SHTN1: variants seen among roughly 807,000 people sequenced by gnomAD.
SHTN1 encodes the protein shootin 1.
SHTN1 carries 42 observed loss-of-function variants against 83.1 expected under a neutral mutation model. That is an observed-to-expected ratio of 0.51 (90% CI 0.39 to 0.65). The LOEUF (loss-of-function observed/expected upper bound fraction) is 0.65, where lower values mean the gene tolerates loss of function less well. Among genes scored for constraint, SHTN1 ranks in the 30% least tolerant of loss-of-function variants. The probability of loss-of-function intolerance (pLI) is 0.00; values close to 1 mark genes in which losing one functional copy is unlikely to be tolerated. For missense variants in SHTN1, 622 were observed against 737.8 expected (o/e 0.84, Z 1.82); for synonymous variants, 224 against 247.7 (o/e 0.90, Z 0.90).
intron 1 of SHTN1, among the ~76,000 whole-genome samples, chr10:117,121,332 A>G (rs1367930079): frequency 6.6e-6 from 1 of 151,772 alleles, no homozygotes; most frequent in Non-Finnish European, 1.5e-5. Context: ...AATCCCAGCA[A>G]TTTGGGAGGC....
At chr10:117,120,960 C>T (rs1853915253) in intron 1 of SHTN1, among the ~76,000 whole-genome samples, 2 of 151,950 alleles carry the variant, frequency 1.3e-5, no homozygotes, top group South Asian at 4.2e-4. Context: ...CAGAAGTGTG[C>T]CAACATGCCT....
intron 2 of SHTN1, chr10:117,048,441 C>G (rs1390616380): frequency 1.0e-6 from 1 of 983,184 alleles, no homozygotes; most frequent in Non-Finnish European, 1.2e-6. Flanking sequence ...GTCTTGTTAC[C>G]TACCCCCTTC....
intron 11 of SHTN1, among the ~76,000 whole-genome samples, chr10:116,927,384 G>A (rs1178685525): frequency 6.6e-6 from 1 of 152,162 alleles, no homozygotes; most frequent in Non-Finnish European, 1.5e-5. Context: ...AAAGGAAAGA[G>A]GTTTAATTGA....
intron 3 of SHTN1, among the ~76,000 whole-genome samples, chr10:116,965,117 AC>A (rs1850341158): frequency 6.6e-6 from 1 of 152,248 alleles, no homozygotes; most frequent in African/African-American, 2.4e-5. Context: ...ATCAAAAATG[AC>A]ATGGACATAT....
At chr10:116,909,388 T>C (rs1173320345) in intron 14 of SHTN1, among the ~76,000 whole-genome samples, 1 of 152,208 alleles carries the variant, frequency 6.6e-6, no homozygotes, top group Non-Finnish European at 1.5e-5. Context: ...CATAATACAA[T>C]TTTTTAAAAA....
At chr10:117,030,619 G>T (rs1240127209) in intron 2 of SHTN1, among the ~76,000 whole-genome samples, 1 of 151,854 alleles carries the variant, frequency 6.6e-6, no homozygotes, top group Non-Finnish European at 1.5e-5. Context: ...ACACAGAGAA[G>T]GAATTCAGAA....
At position 117,081,019 on chromosome 10, in the gene SHTN1, C is replaced by T. The variant is rs181728578; in HGVS notation, c.-188-32509G>A. On this transcript the variant is annotated intron_variant, in intron 1 of 17. Transcript: ENST00000392901. Reference sequence around the variant, plus strand: ...ACTTCCTCTTTTCCTAATTGAATACCCGTTATTTCCTTCTCCCACCTAATT... The same window carrying T: ...ACTTCCTCTTTTCCTAATTGAATACTCGTTATTTCCTTCTCCCACCTAATT... Among the ~76,000 whole-genome samples the T allele has an allele frequency of 3.3e-5, 5 of 152,156 alleles. No homozygotes were observed. The East Asian group carries it at 7.8e-4, about 24-fold the overall frequency.
At chr10:117,018,745 A>AT (rs1408043942) in intron 2 of SHTN1, among the ~76,000 whole-genome samples, 1 of 151,436 alleles carries the variant, frequency 6.6e-6, no homozygotes, top group Non-Finnish European at 1.5e-5. Context: ...CTAATTTTGT[A>AT]TTTTTTCAGT....
intron 1 of SHTN1, among the ~76,000 whole-genome samples, chr10:116,999,485 G>A (rs551585309): frequency 1.3e-5 from 2 of 152,216 alleles, no homozygotes; most frequent in East Asian, 1.9e-4. Flanking sequence ...TGCATAAAAC[G>A]CCTAAAAAGT....
Position 116,882,999 on chromosome 10 carries a change from C to CAT in SHTN1, c.*3343_*3344dup, listed in dbSNP as rs1847064978. On this transcript the variant is annotated 3_prime_UTR_variant, in exon 17 of 17. Coordinates refer to ENST00000355371, the MANE Select transcript of SHTN1 (RefSeq NM_001127211.3). ...ACACACACACACACACACACACACACATCATGAGACTATGCCCTGGAACAG... is the reference window on the plus strand; with the variant it reads ...ACACACACACACACACACACACACACATATCATGAGACTATGCCCTGGAACAG... 1 of 151,712 alleles carries CAT rather than the reference C, an allele frequency of 6.6e-6. No individual in the cohort carries two copies. The highest frequency in any genetic ancestry group is 1.5e-5 in the Non-Finnish European group (1 of 67,984). The allele number at this position is 151,712 out of a possible 1,614,324, so 9.4% of individuals were successfully genotyped here. A position where few individuals can be genotyped will look rare whatever the true frequency, so the allele number is the denominator to read the frequency against.
rs1450736492 is a variant in SHTN1, at chr10:117,065,728, GAAAGA to G, written c.-188-17223_-188-17219del. ...GCGAGAGAGAGAGAGAGAGAGAGAT[GAAAGA>G]AAGAAAGAAAGAAAGAAAGAAAGAA... is the stretch of plus-strand genomic sequence containing the variant. On this transcript the variant is annotated intron_variant, in intron 1 of 17. Transcript: ENST00000392901. Among the ~76,000 whole-genome samples, 3 of 7,356 alleles carry G rather than the reference GAAAGA, an allele frequency of 4.1e-4. 1 individual carries two copies. The highest frequency in any genetic ancestry group is 1.0e-3 in the Non-Finnish European group (2 of 1,994). The allele number at this position is 7,356 out of a possible 152,430, so 4.8% of individuals were successfully genotyped here.
chr10:117,023,151 T>C (rs1852286610), intron 2 of SHTN1, among the ~76,000 whole-genome samples: 1 of 152,246 alleles, frequency 6.6e-6, no homozygotes, highest in Non-Finnish European at 1.5e-5. Context: ...TTTTATACTG[T>C]CTTTTGGTCA....
exon 1 of SHTN1, chr10:117,126,410 T>C: frequency 9.9e-6 from 2 of 201,728 alleles, no homozygotes; most frequent in Admixed American, 5.4e-5. Flanking sequence ...CAGGAGTCCC[T>C]AGAGCGCCAG....
chr10:116,955,626 T>C (rs1278025102), intron 4 of SHTN1, among the ~76,000 whole-genome samples: 38 of 152,282 alleles, frequency 2.5e-4, no homozygotes, highest in Non-Finnish European at 2.9e-5. Flanking sequence ...GGGTTTCTCA[T>C]AGAGAAAGCC....
chr10:117,121,062 A>G (rs917442388), intron 1 of SHTN1, among the ~76,000 whole-genome samples: 2 of 152,048 alleles, frequency 1.3e-5, no homozygotes, highest in Non-Finnish European at 2.9e-5. Context: ...TGCCTGCCTC[A>G]GCCTCCCAAA....
chr10:117,048,019 A>G (rs1175562103), intron 2 of SHTN1, among the ~76,000 whole-genome samples: 1 of 152,196 alleles, frequency 6.6e-6, no homozygotes, highest in African/African-American at 2.4e-5. Context: ...CTGTGAACAA[A>G]CTACTGAAGA....
At chr10:116,994,184 G>C (rs943543382) in intron 1 of SHTN1, among the ~76,000 whole-genome samples, 1 of 152,026 alleles carries the variant, frequency 6.6e-6, no homozygotes, top group Non-Finnish European at 1.5e-5. Flanking sequence ...AAAGTTATAA[G>C]CAAGATATGA....
In SHTN1 at chr10:116,906,706, G is replaced by C; in HGVS notation, c.1401C>G (p.Ser467=). The part of the protein sequence containing the change: ...NKSTSSRSLK[S]LDPENSETEL... ...CAGTTTCACTGTTTTCAGGGTCAAG[G>C]GATTTTAAGCTTCTTGAACTAGTGG... is the stretch of plus-strand genomic sequence containing the variant. The change falls in exon 15 of 17, where the codon TCC becomes TCG. Residue 467 remains serine, a synonymous_variant. Coordinates refer to ENST00000355371, the MANE Select transcript of SHTN1 (RefSeq NM_001127211.3). 1 of 1,612,960 alleles carries C rather than the reference G, an allele frequency of 6.2e-7. No homozygotes were observed. The highest frequency in any genetic ancestry group is 1.1e-5 in the South Asian group (1 of 90,914).
chr10:117,003,584 C>T (rs1448011989), intron 1 of SHTN1, among the ~76,000 whole-genome samples: 2 of 151,832 alleles, frequency 1.3e-5, no homozygotes, highest in Non-Finnish European at 2.9e-5. Flanking sequence ...TGTGGTTTTA[C>T]GCAACAACAG....
Sources: allele counts gnomAD v4.1 joint callset (sites outside exome capture counted in the v4.1 genomes callset), GRCh38; gene constraint gnomAD v4.1.1; transcripts MANE v1.5; gene names NCBI Gene and HGNC (gene_info 2026-07-23, HGNC 2026-07-21).